The following TMEM163 variants were observed in gnomAD, a reference collection of about 807,000 sequenced individuals.
The protein encoded by TMEM163 is transmembrane protein 163.
Under a neutral mutation model 29.3 loss-of-function variants are expected in TMEM163, and 17 were observed. The observed-to-expected ratio is 0.58, with a 90% CI of 0.40 to 0.87. The LOEUF is 0.87. TMEM163 is among the 40% of genes least tolerant of loss of function. TMEM163 has a pLI of 0.00. For missense variants in TMEM163, 303 were observed against 381.5 expected (o/e 0.79, Z 1.71); for synonymous variants, 157 against 160.6 (o/e 0.98, Z 0.17).
At chr2:134,544,044 C>T (rs1031291375) in intron 4 of TMEM163, among the ~76,000 whole-genome samples, 2 of 152,190 alleles carry the variant, frequency 1.3e-5, no homozygotes, top group African/African-American at 4.8e-5. Flanking sequence ...ACTGACAGCC[C>T]AGGAGACAGC....
At chr2:134,519,719 T>C (rs1341108884) in intron 4 of TMEM163, among the ~76,000 whole-genome samples, 1 of 145,186 alleles carries the variant, frequency 6.9e-6, no homozygotes. Flanking sequence ...GTCAAAAATT[T>C]AAAGAAAAAA....
chr2:134,469,365 G>C (rs1359448873), intron 5 of TMEM163: 1 of 152,140 alleles, frequency 6.6e-6, no homozygotes, highest in Non-Finnish European at 1.5e-5. Context: ...GCACTGAAGC[G>C]GGAGTCCCAC....
intron 2 of TMEM163, among the ~76,000 whole-genome samples, chr2:134,639,586 A>G (rs1415077659): frequency 2.0e-5 from 3 of 152,248 alleles, no homozygotes; most frequent in Non-Finnish European, 4.4e-5. Context: ...TCACTGACAC[A>G]GGCTGTCGTC....
At chr2:134,486,560 G>A (rs1348366923) in intron 5 of TMEM163, among the ~76,000 whole-genome samples, 1 of 152,170 alleles carries the variant, frequency 6.6e-6, no homozygotes, top group Admixed American at 6.5e-5. Flanking sequence ...CAATAAATTT[G>A]CTGTCGAAAC....
intron 4 of TMEM163, among the ~76,000 whole-genome samples, chr2:134,550,016 C>T (rs1680877106): frequency 6.6e-6 from 1 of 152,062 alleles, no homozygotes. Flanking sequence ...GTCCTTATTA[C>T]CCTGGGGTTT....
At chr2:134,465,219 A>AATAT (rs767806354) in intron 6 of TMEM163, among the ~76,000 whole-genome samples, 2 of 135,920 alleles carry the variant, frequency 1.5e-5, no homozygotes, top group African/African-American at 3.3e-5. Flanking sequence ...ACAAAACAAA[A>AATAT]ATATATATAT....
intron 2 of TMEM163, among the ~76,000 whole-genome samples, chr2:134,674,475 C>T (rs1424666981): frequency 6.7e-6 from 1 of 148,338 alleles, no homozygotes; most frequent in African/African-American, 2.5e-5. Flanking sequence ...TCCCAAGTAG[C>T]TGGGACTACA....
chr2:134,566,367 G>A (rs1198853415), intron 2 of TMEM163, among the ~76,000 whole-genome samples: 1 of 152,076 alleles, frequency 6.6e-6, no homozygotes, highest in East Asian at 1.9e-4. Context: ...TTCGAGACCA[G>A]CCCAGCCAAT....
chr2:134,496,128 C>T (rs1324884512), intron 5 of TMEM163, among the ~76,000 whole-genome samples: 1 of 151,308 alleles, frequency 6.6e-6, no homozygotes, highest in Non-Finnish European at 1.5e-5. Flanking sequence ...GTGGCGCAAT[C>T]TTGGCTCACT....
At chr2:134,522,682 C>A (rs564847428) in intron 4 of TMEM163, among the ~76,000 whole-genome samples, 3 of 152,172 alleles carry the variant, frequency 2.0e-5, no homozygotes, top group Admixed American at 2.0e-4. Flanking sequence ...CCACACAGGG[C>A]GAATGACTGT....
chr2:134,470,734 C>T (rs998929305), intron 5 of TMEM163, among the ~76,000 whole-genome samples: 3 of 152,228 alleles, frequency 2.0e-5, no homozygotes, highest in South Asian at 4.1e-4. Flanking sequence ...AACCAGCTTT[C>T]AATGTCCTGA....
At chr2:134,688,006 G>A (rs1272354608) in intron 2 of TMEM163, among the ~76,000 whole-genome samples, 1 of 152,152 alleles carries the variant, frequency 6.6e-6, no homozygotes, top group Non-Finnish European at 1.5e-5. Context: ...GCCAGATACT[G>A]GAAACACAGC....
At chr2:134,644,854 T>C (rs575697780) in intron 2 of TMEM163, among the ~76,000 whole-genome samples, 1 of 152,282 alleles carries the variant, frequency 6.6e-6, no homozygotes, top group South Asian at 2.1e-4. Context: ...AGATAATATT[T>C]TCAAATCACA....
chr2:134,687,311 G>A (rs766043974), intron 2 of TMEM163, among the ~76,000 whole-genome samples: 3 of 152,138 alleles, frequency 2.0e-5, no homozygotes, highest in South Asian at 4.2e-4. Context: ...GTTGCTTCTC[G>A]GGTAAGAAGT....
chr2:134,632,995 T>A lies in TMEM163; in HGVS notation c.322+80205A>T, dbSNP rs192178507. ...GGATGGTCTCGATCTCCTGACCTCGTGATCCGCCTGCCTCGGCCTCCCAAA... is the reference window on the plus strand; with the variant it reads ...GGATGGTCTCGATCTCCTGACCTCGAGATCCGCCTGCCTCGGCCTCCCAAA... On this transcript the variant is annotated intron_variant, in intron 2 of 7. Coordinates refer to ENST00000281924, the MANE Select transcript of TMEM163 (RefSeq NM_030923.5). 5.8e-4 allele frequency among the ~76,000 whole-genome samples: 88 copies of A among 151,280 alleles called. 2 individuals carry two copies. The East Asian group carries it at 0.012, about 21-fold the overall frequency.
chr2:134,689,730 T>C (rs1022753079), intron 2 of TMEM163, among the ~76,000 whole-genome samples: 2 of 152,190 alleles, frequency 1.3e-5, no homozygotes, highest in Non-Finnish European at 2.9e-5. Context: ...AACTAATAGC[T>C]TGTGCTTTTA....
intron 4 of TMEM163, among the ~76,000 whole-genome samples, chr2:134,541,549 G>C (rs1187334891): frequency 2.6e-5 from 4 of 152,098 alleles, no homozygotes; most frequent in Non-Finnish European, 5.9e-5. Flanking sequence ...CTAACCTTAA[G>C]GCATTGGAAA....
chr2:134,586,364 C>G (rs842354), intron 2 of TMEM163, among the ~76,000 whole-genome samples: 83,958 of 152,042 alleles, frequency 0.55, 24,309 homozygotes, highest in Middle Eastern at 0.86. Context: ...CTGGCCCCAG[C>G]CCTCTCTCTA....
chr2:134,569,342 G>C (rs181676363), intron 2 of TMEM163, among the ~76,000 whole-genome samples: 60 of 152,202 alleles, frequency 3.9e-4, no homozygotes, highest in Admixed American at 1.1e-3. Context: ...GTAGGTTTAA[G>C]CCCTAAGGGA....
Sources: gnomAD v4.1 joint callset for allele counts (sites outside exome capture counted in the v4.1 genomes callset) on GRCh38, gnomAD v4.1.1 for gene constraint, MANE v1.5 for transcripts, NCBI Gene and HGNC (gene_info 2026-07-23, HGNC 2026-07-21) for gene names.